The following TRAPPC9 variants were observed in gnomAD, a reference collection of about 807,000 sequenced individuals.
TRAPPC9 encodes the protein trafficking protein particle complex subunit 9, also known as IKK2 binding protein.
In TRAPPC9, 83 loss-of-function variants were observed where a neutral mutation model predicts 124.0. The observed-to-expected ratio is 0.67, with a 90% confidence interval of 0.56 to 0.80. The LOEUF is 0.80. TRAPPC9 is among the 30% of genes least tolerant of loss of function. The probability of loss-of-function intolerance (pLI) is 0.00; values close to 1 mark genes in which losing one functional copy is unlikely to be tolerated. For synonymous variants in TRAPPC9, 638 were observed against 617.5 expected (o/e 1.03, Z -0.49); for missense variants, 1,302 against 1,508.3 (o/e 0.86, Z 2.27).
chr8:139,917,159 ATTATT>A (rs1297514835), intron 19 of TRAPPC9, among the ~76,000 whole-genome samples: 100 of 85,286 alleles, frequency 1.2e-3, no homozygotes, highest in African/African-American at 5.5e-3. Context: ...CTTCTTCATT[ATTATT>A]TTCTTTTTTT....
chr8:140,285,339 C>A (rs1187704169), intron 13 of TRAPPC9, among the ~76,000 whole-genome samples: 1 of 152,202 alleles, frequency 6.6e-6, no homozygotes, highest in Non-Finnish European at 1.5e-5. Flanking sequence ...CAGGCCACGG[C>A]TATGGGCCTA....
chr8:139,789,478 C>CA (rs1491441662), intron 21 of TRAPPC9, among the ~76,000 whole-genome samples: 2 of 152,156 alleles, frequency 1.3e-5, no homozygotes, highest in African/African-American at 2.4e-5. Flanking sequence ...CATCCCCCCC[C>CA]AGGATATCTA....
At chr8:140,267,765 C>G (rs1012808286) in intron 15 of TRAPPC9, among the ~76,000 whole-genome samples, 2 of 152,180 alleles carry the variant, frequency 1.3e-5, no homozygotes, top group Non-Finnish European at 2.9e-5. Context: ...CTCCTGGGTT[C>G]AAGCGATTCT....
chr8:140,120,838 T>C (rs2060974618), intron 17 of TRAPPC9, among the ~76,000 whole-genome samples: 1 of 150,018 alleles, frequency 6.7e-6, no homozygotes, highest in Non-Finnish European at 1.5e-5. Context: ...CATCCATCCA[T>C]CATCCATCCA....
intron 17 of TRAPPC9, among the ~76,000 whole-genome samples, chr8:140,079,173 GC>G (rs1295838736): frequency 1.3e-5 from 2 of 152,118 alleles, no homozygotes; most frequent in Non-Finnish European, 2.9e-5. Context: ...TTCACCTTCT[GC>G]CATGATTATG....
chr8:140,305,591 C>T (rs753329149), intron 10 of TRAPPC9, among the ~76,000 whole-genome samples: 35 of 152,154 alleles, frequency 2.3e-4, no homozygotes, highest in Non-Finnish European at 4.7e-4. Flanking sequence ...CGTGAGCCAC[C>T]GTGCCAGACC....
Position 140,023,961 on chromosome 8 carries a change from C to A in TRAPPC9, c.2675G>T (p.Arg892Leu). Residue 892 changes from arginine (R) to leucine (L), a missense_variant, in exon 18 of 23, where the codon CGA (arginine) becomes CTA (leucine). This residue lies in a region of TRAPPC9 where 640 missense variants were observed against 679.3 expected (regional missense o/e 0.94). Coordinates refer to ENST00000438773, the MANE Select transcript of TRAPPC9 (RefSeq NM_001160372.4). ...CCTGGTTGCTGGGAGGGTGCTGACT[C>A]GGGTGAAAAATACAGACGGCTCGAC... ...VEVEPSVFFT[R>L]VSTLPATSTR... The A allele has an allele frequency of 6.2e-7, 1 of 1,613,976 alleles. No homozygotes were observed. The highest frequency in any genetic ancestry group is 1.1e-5 in the South Asian group (1 of 91,070).
intron 17 of TRAPPC9, among the ~76,000 whole-genome samples, chr8:140,055,677 T>C (rs984922605): frequency 6.6e-5 from 10 of 152,184 alleles, no homozygotes; most frequent in Non-Finnish European, 1.3e-4. Context: ...GGATGCAACA[T>C]ACAAACATTA....
intron 21 of TRAPPC9, among the ~76,000 whole-genome samples, chr8:139,867,461 G>A (rs1035930834): frequency 1.3e-5 from 2 of 152,108 alleles, no homozygotes; most frequent in African/African-American, 2.4e-5. Context: ...ATGAGGAATC[G>A]GATATCCACA....
chr8:139,840,712 A>G (rs553188237), intron 21 of TRAPPC9, among the ~76,000 whole-genome samples: 2 of 152,242 alleles, frequency 1.3e-5, no homozygotes, highest in African/African-American at 4.8e-5. Flanking sequence ...CCACACTCTC[A>G]CAGTCTTTAC....
At chr8:139,874,462 G>A (rs1172547109) in intron 21 of TRAPPC9, among the ~76,000 whole-genome samples, 1 of 152,238 alleles carries the variant, frequency 6.6e-6, no homozygotes, top group Non-Finnish European at 1.5e-5. Context: ...TGCTGGGGGT[G>A]GGGAAACGCG....
Position 139,788,424 on chromosome 8 carries a change from G to A in TRAPPC9, c.3056-56222C>T, listed in dbSNP as rs1822423981. ...ACTATCAGGCAGGGCAAGGATGGCG[G>A]CTGCTGGGGAGGGAGAGCGGGAGCT... On this transcript the variant is annotated intron_variant, in intron 21 of 22. Coordinates refer to ENST00000438773, the MANE Select transcript of TRAPPC9 (RefSeq NM_001160372.4). The surrounding 1 kb of genome is among the most constrained non-coding windows in gnomAD (Gnocchi z 4.9). 6.6e-6 allele frequency among the ~76,000 whole-genome samples: 1 copy of A among 152,238 alleles called. No individual in the cohort carries two copies. Among genetic ancestry groups the A allele is most frequent in the South Asian group, 2.1e-4 (1 of 4,836 alleles).
intron 17 of TRAPPC9, among the ~76,000 whole-genome samples, chr8:140,163,599 C>T (rs563047695): frequency 1.3e-3 from 201 of 152,290 alleles, no homozygotes; most frequent in African/African-American, 4.6e-3. Flanking sequence ...GAACGCTGTG[C>T]GGTGCATCTC....
intron 21 of TRAPPC9, among the ~76,000 whole-genome samples, chr8:139,852,701 T>C (rs996415362): frequency 4.6e-5 from 7 of 152,198 alleles, no homozygotes; most frequent in Non-Finnish European, 7.3e-5. Flanking sequence ...AAATATTCCA[T>C]TTTCTCCCTC....
At chr8:140,399,269 G>T (rs1279815447) in intron 6 of TRAPPC9, among the ~76,000 whole-genome samples, 1 of 152,244 alleles carries the variant, frequency 6.6e-6, no homozygotes, top group Non-Finnish European at 1.5e-5. Flanking sequence ...AGTCCCTACT[G>T]GGGCACTGCC....
chr8:140,377,763 T>G (rs1382898019), intron 7 of TRAPPC9, among the ~76,000 whole-genome samples: 2 of 152,226 alleles, frequency 1.3e-5, no homozygotes, highest in African/African-American at 4.8e-5. Flanking sequence ...CGAAATAGAC[T>G]AATGCCTTCC....
intron 20 of TRAPPC9, among the ~76,000 whole-genome samples, chr8:139,906,616 C>CA (rs1178397260): frequency 4.6e-5 from 7 of 152,144 alleles, no homozygotes; most frequent in African/African-American, 1.7e-4. Context: ...GACAGGCACT[C>CA]AGAGGCCACC....
chr8:139,873,611 G>C (rs529935933), intron 21 of TRAPPC9, among the ~76,000 whole-genome samples: 19 of 152,306 alleles, frequency 1.2e-4, no homozygotes, highest in African/African-American at 2.9e-4. Context: ...GTCTTGGGAA[G>C]AGGACAGACA....
intron 17 of TRAPPC9, among the ~76,000 whole-genome samples, chr8:140,086,232 G>C (rs1377384073): frequency 6.6e-6 from 1 of 152,174 alleles, no homozygotes; most frequent in Non-Finnish European, 1.5e-5. Context: ...GAGGATCCCA[G>C]AGTATGGAGG....
Sources: gnomAD v4.1 joint callset for allele counts (sites outside exome capture counted in the v4.1 genomes callset) on GRCh38, gnomAD v4.1.1 for gene constraint, gnomAD v4.1.1 regional missense constraint, Gnocchi (gnomAD v3.1) non-coding constraint, MANE v1.5 for transcripts, NCBI Gene and HGNC (gene_info 2026-07-23, HGNC 2026-07-21) for gene names.